Variants in RYR2 observed in about 807,000 individuals in gnomAD.
RYR2 encodes the protein ryanodine receptor 2.
RYR2 carries 227 observed loss-of-function variants against 601.1 expected under a neutral mutation model. The observed-to-expected ratio is 0.38, with a 90% CI of 0.34 to 0.42. The LOEUF is 0.42. Among genes scored for constraint, RYR2 ranks in the 10% least tolerant of loss-of-function variants. The pLI is 1.00. For synonymous variants in RYR2, 2,223 were observed against 2,175.1 expected (o/e 1.02, Z -0.61); for missense variants, 4,646 against 6,156.5 (o/e 0.75, Z 8.21).
intron 84 of RYR2, among the ~76,000 whole-genome samples, chr1:237,768,937 G>A (rs1446555734): frequency 6.6e-6 from 1 of 152,078 alleles, no homozygotes; most frequent in African/African-American, 2.4e-5. Flanking sequence ...ACGTGTTTCG[G>A]TATACAGTCA....
intron 4 of RYR2, among the ~76,000 whole-genome samples, chr1:237,361,750 G>C (rs1037767003): frequency 6.6e-6 from 1 of 152,096 alleles, no homozygotes; most frequent in Non-Finnish European, 1.5e-5. Context: ...GAACTGAAAG[G>C]CATCATTATA....
At chr1:237,200,271 C>CT (rs530294172) in intron 1 of RYR2, among the ~76,000 whole-genome samples, 64 of 146,316 alleles carry the variant, frequency 4.4e-4, no homozygotes, top group African/African-American at 7.0e-4. Context: ...CCATTCCATT[C>CT]TTTTTTTTTT....
chr1:237,150,527 T>C (rs1229046547), intron 1 of RYR2, among the ~76,000 whole-genome samples: 2 of 152,180 alleles, frequency 1.3e-5, no homozygotes, highest in African/African-American at 4.8e-5. Context: ...GCACTTTTCT[T>C]GGATTGGCAG....
intron 16 of RYR2, among the ~76,000 whole-genome samples, chr1:237,458,116 A>G (rs1215966700): frequency 6.6e-6 from 1 of 152,060 alleles, no homozygotes; most frequent in African/African-American, 2.4e-5. Context: ...CCCAGTTCAC[A>G]TGTCACTGTC....
chr1:237,773,678 A>G, intron 87 of RYR2, 30 bp downstream of exon 87: 2 of 1,594,858 alleles, frequency 1.3e-6, no homozygotes, highest in Non-Finnish European at 1.7e-6. Flanking sequence ...TGCTATCTGT[A>G]GCACTGAACT....
rs1559083824 is a variant in RYR2 at position 237,594,884 on chromosome 1, G to GGGTTTTTTTT, written c.4437-613_4437-604dup. On this transcript the variant is annotated intron_variant, in intron 33 of 104. Transcript: ENST00000366574. ...GGTGGCATTTGTGGTTAATATCACT[G>GGGTTTTTTTT]GGTTTTTTTTTTTTTTTTTTTTTTT... 9.2e-5 allele frequency among the ~76,000 whole-genome samples: 8 copies of GGGTTTTTTTT among 87,028 alleles called. No homozygotes were observed. In the East Asian group the frequency reaches 3.5e-3, roughly 38 times the overall value. The allele number at this position is 87,028 out of a possible 152,430, so 57.1% of individuals were successfully genotyped here.
chr1:237,712,648 T>C (rs1386264950), intron 71 of RYR2, among the ~76,000 whole-genome samples: 3 of 152,194 alleles, frequency 2.0e-5, no homozygotes, highest in African/African-American at 7.2e-5. Context: ...TGTGTGCTTA[T>C]GTGTACCAAA....
At chr1:237,198,457 T>G (rs1419209787) in intron 1 of RYR2, among the ~76,000 whole-genome samples, 4 of 124,830 alleles carry the variant, frequency 3.2e-5, no homozygotes, top group African/African-American at 1.1e-4. Flanking sequence ...TTTTTTTTTT[T>G]TTGGTATGGA....
chr1:237,303,743 C>A (rs1039018180), intron 2 of RYR2, among the ~76,000 whole-genome samples: 3 of 152,194 alleles, frequency 2.0e-5, no homozygotes, highest in Admixed American at 6.5e-5. Flanking sequence ...TCTTTGCAAT[C>A]ACATTGAGAG....
rs767815859 is a variant in RYR2, at chr1:237,783,910, T to G, written c.12198T>G (p.Leu4066=). ...ACACGCAGTCAGAAACGGAATTTCT[T>G]TTGTCTTGTGCGGAGACGGATGAGA... ...KHYTQSETEF[L]LSCAETDENE... is the part of the protein sequence containing the mutation. Residue 4066 remains leucine (L), a synonymous_variant, in exon 90 of 105, where the codon CTT becomes CTG. Transcript: ENST00000366574. 13 of 1,613,510 alleles carry G rather than the reference T, an allele frequency of 8.1e-6. No homozygotes were observed. The highest frequency in any genetic ancestry group is 2.2e-5 in the East Asian group (1 of 44,828).
At chr1:237,054,823 G>A (rs1399284317) in intron 1 of RYR2, among the ~76,000 whole-genome samples, 2 of 152,300 alleles carry the variant, frequency 1.3e-5, no homozygotes, top group East Asian at 1.9e-4. Flanking sequence ...GAATTTGGGT[G>A]GGGAGGGCAG....
chr1:237,783,194 G>A (rs1316525474), intron 89 of RYR2, among the ~76,000 whole-genome samples: 4 of 151,676 alleles, frequency 2.6e-5, no homozygotes, highest in Non-Finnish European at 5.9e-5. Context: ...AGTCACAATG[G>A]GCCCATTAAT....
intron 41 of RYR2, among the ~76,000 whole-genome samples, chr1:237,630,189 T>A (rs896226838): frequency 3.9e-5 from 6 of 152,286 alleles, no homozygotes; most frequent in Non-Finnish European, 7.4e-5. Context: ...ATGCTTCTTT[T>A]TGTGGTATTC....
chr1:237,519,778 T>C (rs1384393159), intron 24 of RYR2, among the ~76,000 whole-genome samples: 1 of 152,194 alleles, frequency 6.6e-6, no homozygotes, highest in African/African-American at 2.4e-5. Context: ...TCTTGTTCCA[T>C]TTGAATTTTA....
intron 1 of RYR2, among the ~76,000 whole-genome samples, chr1:237,173,321 G>C (rs147224523): frequency 6.6e-5 from 10 of 152,268 alleles, no homozygotes; most frequent in Middle Eastern, 3.4e-3. Flanking sequence ...TCCTAGCACT[G>C]TTCCTCATTA....
intron 13 of RYR2, among the ~76,000 whole-genome samples, chr1:237,443,236 C>A (rs1371712413): frequency 6.6e-6 from 1 of 151,966 alleles, no homozygotes; most frequent in Non-Finnish European, 1.5e-5. Context: ...CCCAGCTCAC[C>A]TTTTTATCTC....
chr1:237,519,291 TTG>T (rs1470870077), intron 24 of RYR2, among the ~76,000 whole-genome samples: 2 of 152,184 alleles, frequency 1.3e-5, no homozygotes, highest in Non-Finnish European at 2.9e-5. Flanking sequence ...TAAATAGGTC[TTG>T]TTTGTCTATT....
At chr1:237,340,555 A>G (rs933324743) in intron 3 of RYR2, among the ~76,000 whole-genome samples, 3 of 152,198 alleles carry the variant, frequency 2.0e-5, no homozygotes, top group Non-Finnish European at 4.4e-5. Flanking sequence ...ATTGTAGACA[A>G]TACGATGCTA....
At chr1:237,615,546 GA>G (rs1318160199) in intron 37 of RYR2, among the ~76,000 whole-genome samples, 2 of 152,074 alleles carry the variant, frequency 1.3e-5, no homozygotes, top group Non-Finnish European at 2.9e-5. Context: ...TGCTCCTCAA[GA>G]TGTCTAAAGG....
Sources: allele counts gnomAD v4.1 joint callset (sites outside exome capture counted in the v4.1 genomes callset), GRCh38; gene constraint gnomAD v4.1.1; transcripts MANE v1.5; gene names NCBI Gene and HGNC (gene_info 2026-07-23, HGNC 2026-07-21).